The following DCUN1D3 variants were observed in gnomAD, a reference collection of about 807,000 sequenced individuals.
The protein encoded by DCUN1D3 is DCN1-like protein 3.
DCUN1D3 carries 6 observed loss-of-function variants against 24.8 expected under a neutral mutation model. The observed-to-expected ratio is 0.24, with a 90% CI of 0.13 to 0.48. DCUN1D3 has a LOEUF of 0.48. DCUN1D3 is among the 20% of genes least tolerant of loss of function. The pLI is 0.99. For synonymous variants in DCUN1D3, 120 were observed against 144.9 expected (o/e 0.83, Z 1.24); for missense variants, 258 against 379.4 (o/e 0.68, Z 2.66).
At chr16:20,889,284 C>T (rs903770999) in intron 1 of DCUN1D3, among the ~76,000 whole-genome samples, 2 of 150,638 alleles carry the variant, frequency 1.3e-5, no homozygotes, top group Non-Finnish European at 2.9e-5. Flanking sequence ...CCCAACTACT[C>T]GGGAAGCTGA....
At chr16:20,880,419 G>A (rs1466103648) in intron 1 of DCUN1D3, among the ~76,000 whole-genome samples, 1 of 151,684 alleles carries the variant, frequency 6.6e-6, no homozygotes, top group Non-Finnish European at 1.5e-5. Context: ...GGGCAACATA[G>A]GGAGACCCAA....
rs762383051 is a variant in DCUN1D3, at chr16:20,859,901, G to A, written c.900C>T (p.Pro300=). ...ALSSGPEGLC[P]EEQT ...GACAGAGCCACTAAGTCTGCTCCTCGGGACACAAGCCCTCAGGCCCTGAGC... is the reference window on the plus strand; with the variant it reads ...GACAGAGCCACTAAGTCTGCTCCTCAGGACACAAGCCCTCAGGCCCTGAGC... The change falls in exon 3 of 3, where the codon CCC becomes CCT. Residue 300 remains proline, a synonymous_variant. Coordinates refer to ENST00000324344, the MANE Select transcript of DCUN1D3 (RefSeq NM_173475.4). 61 of 1,609,966 alleles carry A rather than the reference G, an allele frequency of 3.8e-5. No individual in the cohort carries two copies. In the South Asian group the frequency reaches 4.1e-4, roughly 11 times the overall value.
At position 20,859,278 on chromosome 16, in the gene DCUN1D3, G is replaced by T. The variant is rs547108200; in HGVS notation, c.*608C>A. On this transcript the variant is annotated 3_prime_UTR_variant, in exon 3 of 3. Coordinates refer to ENST00000324344, the MANE Select transcript of DCUN1D3 (RefSeq NM_173475.4). ...TGTCACCAGACTACAAATGCTCTTG[G>T]CTGGCCTTGGCTCTCCAAGAGCTCT... 2.0e-4 allele frequency: 30 copies of T among 152,592 alleles called. No individual in the cohort carries two copies. Among genetic ancestry groups the T allele is most frequent in the Non-Finnish European group, 3.2e-4 (22 of 68,042 alleles). 9.5% of individuals were successfully genotyped at this position (152,592 alleles called of 1,614,324 possible). A position where few individuals can be genotyped will look rare whatever the true frequency, so the allele number is the denominator to read the frequency against.
rs2081728888 is a variant in DCUN1D3 at position 20,860,889 on chromosome 16, A to G, written c.432-520T>C. On this transcript the variant is annotated intron_variant, in intron 2 of 2. Transcript: ENST00000324344. The surrounding 1 kb of genome is among the most constrained non-coding windows in gnomAD (Gnocchi z 4.3). ...CAAAATTCTATTATTAAAAAACAAA[A>G]ATTATGTATGTATTTTTAACATCTA... is the stretch of plus-strand genomic sequence containing the variant. Among the ~76,000 whole-genome samples the G allele has an allele frequency of 6.6e-6, 1 of 152,162 alleles. No individual in the cohort carries two copies. The highest frequency in any genetic ancestry group is 1.5e-5 in the Non-Finnish European group (1 of 68,034).
At chr16:20,891,898 G>C (rs926708798) in intron 1 of DCUN1D3, among the ~76,000 whole-genome samples, 1 of 152,052 alleles carries the variant, frequency 6.6e-6, no homozygotes, top group Non-Finnish European at 1.5e-5. Context: ...CAATCTTGTG[G>C]GCCTGCTCCT....
intron 2 of DCUN1D3, among the ~76,000 whole-genome samples, chr16:20,861,707 G>A (rs566670099): frequency 4.0e-4 from 61 of 150,946 alleles, no homozygotes; most frequent in African/African-American, 1.4e-3. Context: ...GCTATGATAG[G>A]CCTGAAATTT....
chr16:20,899,499 AAC>A (rs1297710095), intron 1 of DCUN1D3, among the ~76,000 whole-genome samples: 1 of 152,206 alleles, frequency 6.6e-6, no homozygotes, highest in Non-Finnish European at 1.5e-5. Flanking sequence ...CAAAAGAGGT[AAC>A]CAAGGCACTA....
At chr16:20,870,162 T>C (rs1332311184) in intron 1 of DCUN1D3, among the ~76,000 whole-genome samples, 2 of 152,144 alleles carry the variant, frequency 1.3e-5, no homozygotes, top group Admixed American at 6.5e-5. Flanking sequence ...CTTTCCAAGG[T>C]CTAATATTCT....
intron 1 of DCUN1D3, among the ~76,000 whole-genome samples, chr16:20,872,849 G>T (rs916150633): frequency 1.3e-5 from 2 of 152,350 alleles, no homozygotes; most frequent in Non-Finnish European, 2.9e-5. Flanking sequence ...TAGGCGCAGT[G>T]GCTCACGCCT....
intron 1 of DCUN1D3, chr16:20,896,186 T>C (rs2081915085): frequency 6.6e-6 from 1 of 152,176 alleles, no homozygotes; most frequent in Non-Finnish European, 1.5e-5. Context: ...CTAACAATAT[T>C]TTCAACTTAT....
intron 1 of DCUN1D3, among the ~76,000 whole-genome samples, chr16:20,887,113 A>G (rs2081871229): frequency 6.6e-6 from 1 of 152,198 alleles, no homozygotes; most frequent in African/African-American, 2.4e-5. Context: ...AAGGAGTTCA[A>G]GACCAGCCTG....
intron 1 of DCUN1D3, among the ~76,000 whole-genome samples, chr16:20,881,822 A>G (rs1262773529): frequency 1.3e-5 from 2 of 152,072 alleles, no homozygotes; most frequent in African/African-American, 4.8e-5. Context: ...TTATTTTTTG[A>G]GACAGAATCT....
intron 1 of DCUN1D3, among the ~76,000 whole-genome samples, chr16:20,867,307 A>G (rs1435249394): frequency 1.3e-5 from 2 of 152,186 alleles, no homozygotes; most frequent in Non-Finnish European, 2.9e-5. Flanking sequence ...ACCCCAGAGC[A>G]GCAAATCTCA....
intron 1 of DCUN1D3, among the ~76,000 whole-genome samples, chr16:20,897,670 T>C (rs904884212): frequency 2.6e-5 from 4 of 152,352 alleles, no homozygotes; most frequent in South Asian, 2.1e-4. Flanking sequence ...ATTCGTATAC[T>C]AGAACACATT....
rs1446667424 is a variant in DCUN1D3 at position 20,855,804 on chromosome 16, G to C, written c.*4082C>G. 1 of 152,144 alleles carries C rather than the reference G, an allele frequency of 6.6e-6. No homozygotes were observed. Among genetic ancestry groups the C allele is most frequent in the Admixed American group, 6.5e-5 (1 of 15,276 alleles). The allele number at this position is 152,144 out of a possible 1,614,324, so 9.4% of individuals were successfully genotyped here. ...AAAACACACTGTGGAATAAGAGGAG[G>C]ATCAATGTCGCATTTCCTCAATGAG... is the stretch of plus-strand genomic sequence containing the variant. On this transcript the variant is annotated 3_prime_UTR_variant, in exon 3 of 3. Coordinates refer to ENST00000324344, the MANE Select transcript of DCUN1D3 (RefSeq NM_173475.4).
chr16:20,862,573 C>T lies in DCUN1D3; in HGVS notation c.-35G>A, dbSNP rs375933668. On this transcript the variant is annotated 5_prime_UTR_variant, in exon 2 of 3. Coordinates refer to ENST00000324344, the MANE Select transcript of DCUN1D3 (RefSeq NM_173475.4). ...GGCCTGGCCTCTAGAGTGGACCCCT[C>T]TGGATTGGATGCCCTCGCTGCCGCT... 1.3e-5 allele frequency: 21 copies of T among 1,568,096 alleles called. No individual in the cohort carries two copies. Among genetic ancestry groups the T allele is most frequent in the Admixed American group, 5.4e-5 (3 of 55,742 alleles).
rs568233366 is a variant in DCUN1D3, at chr16:20,859,644, C to T, written c.*242G>A. The T allele has an allele frequency of 1.2e-4, 43 of 356,370 alleles. No individual in the cohort carries two copies. The highest frequency in any genetic ancestry group is 1.6e-3 in the Middle Eastern group (2 of 1,236). The allele number at this position is 356,370 out of a possible 1,614,324, so 22.1% of individuals were successfully genotyped here. ...GAAGGCTTCAAAAAAAGATACACAACATGTAACCAGGTTCAAATATTCTGG... is the reference window on the plus strand; with the variant it reads ...GAAGGCTTCAAAAAAAGATACACAATATGTAACCAGGTTCAAATATTCTGG... On this transcript the variant is annotated 3_prime_UTR_variant, in exon 3 of 3. Coordinates refer to ENST00000324344, the MANE Select transcript of DCUN1D3 (RefSeq NM_173475.4).
intron 1 of DCUN1D3, among the ~76,000 whole-genome samples, chr16:20,867,558 A>G (rs2081768717): frequency 6.6e-6 from 1 of 152,260 alleles, no homozygotes. Flanking sequence ...CCCTAATGGA[A>G]GCCTGAATTT....
intron 1 of DCUN1D3, among the ~76,000 whole-genome samples, chr16:20,887,331 A>C (rs1002955170): frequency 1.3e-5 from 2 of 152,178 alleles, no homozygotes; most frequent in African/African-American, 4.8e-5. Context: ...TAAAAAACAG[A>C]ACTAGTAAAT....
Sources: gnomAD v4.1 joint callset for allele counts (sites outside exome capture counted in the v4.1 genomes callset) on GRCh38, gnomAD v4.1.1 for gene constraint, Gnocchi (gnomAD v3.1) non-coding constraint, MANE v1.5 for transcripts, NCBI Gene and HGNC (gene_info 2026-07-23, HGNC 2026-07-21) for gene names.